Variants in MMP7 observed in about 807,000 individuals in gnomAD.
MMP7 encodes the protein matrix metallopeptidase 7.
Under a neutral mutation model 31.5 loss-of-function variants are expected in MMP7, and 26 were observed. The observed-to-expected ratio is 0.83, with a 90% CI of 0.61 to 1.15. The LOEUF is 1.15. MMP7 is among the 50% of genes most tolerant of loss of function. MMP7 has a pLI of 0.00. For missense variants in MMP7, 367 were observed against 326.5 expected, an observed-to-expected ratio of 1.12 and a Z score of -0.96; for synonymous variants, 142 against 124.2, an observed-to-expected ratio of 1.14 and a Z score of -0.95.
rs778834543 is a variant in MMP7 at position 102,524,980 on chromosome 11, G to C, written c.569C>G (p.Ala190Gly). The change falls in exon 4 of 6, where the codon GCT (alanine) becomes GGT (glycine). Residue 190 changes from alanine (A) to glycine (G), a missense_variant. Ala to Gly is a moderately conservative substitution (Grantham distance 60). Coordinates refer to ENST00000260227, the MANE Select transcript of MMP7 (RefSeq NM_002423.5). ...FAPGTGLGGDAHFDEDERWTD... is the reference protein window; with the variant it reads ...FAPGTGLGGDGHFDEDERWTD... Reference sequence around the variant, plus strand: ...CCAGCGTTCATCCTCATCGAAGTGAGCATCTCCTCCGAGACCTGTCCCAGG... The same window carrying C: ...CCAGCGTTCATCCTCATCGAAGTGACCATCTCCTCCGAGACCTGTCCCAGG... 3.1e-6 allele frequency: 5 copies of C among 1,614,056 alleles called. No homozygotes were observed. Among genetic ancestry groups the C allele is most frequent in the Non-Finnish European group, 4.2e-6 (5 of 1,180,002 alleles).
intron 1 of MMP7, among the ~76,000 whole-genome samples, chr11:102,528,304 AC>A (rs1460383021): frequency 6.6e-6 from 1 of 152,198 alleles, no homozygotes; most frequent in African/African-American, 2.4e-5. Flanking sequence ...GGAAGCATGT[AC>A]CAGTCTGTCC....
chr11:102,526,428 G>T (rs1052065672), intron 3 of MMP7, among the ~76,000 whole-genome samples: 1 of 151,816 alleles, frequency 6.6e-6, no homozygotes, highest in Admixed American at 6.6e-5. Flanking sequence ...GTAGAGATGG[G>T]GTTTCACCCT....
intron 4 of MMP7, 55 bp downstream of exon 4, chr11:102,524,881 G>T (rs1191208186): frequency 6.4e-7 from 1 of 1,565,784 alleles, no homozygotes. Flanking sequence ...TTAACTTAGT[G>T]TAAGTCCAGG....
intron 5 of MMP7, among the ~76,000 whole-genome samples, chr11:102,521,254 G>A (rs1371414259): frequency 1.3e-5 from 2 of 152,166 alleles, no homozygotes; most frequent in Non-Finnish European, 2.9e-5. Context: ...CTGGATTGCA[G>A]CGGTGTGATC....
intron 4 of MMP7, 115 bp downstream of exon 4, chr11:102,524,821 G>A: frequency 8.4e-7 from 1 of 1,192,978 alleles, no homozygotes; most frequent in South Asian, 1.9e-5. Flanking sequence ...ATAGTACAGT[G>A]TTTGGCACTT....
chr11:102,520,747 T>G lies in MMP7; in HGVS notation c.*29A>C. 2.0e-6 allele frequency: 3 copies of G among 1,533,640 alleles called. No individual in the cohort carries two copies. Among genetic ancestry groups the G allele is most frequent in the African/African-American group, 2.7e-5 (2 of 73,450 alleles). On this transcript the variant is annotated 3_prime_UTR_variant, in exon 6 of 6. Coordinates refer to ENST00000260227, the MANE Select transcript of MMP7 (RefSeq NM_002423.5). ...CAACAATGATATACAATCCAATGAATGAATGAATGGATGTTCTGCCTGAAG... is the reference window on the plus strand; with the variant it reads ...CAACAATGATATACAATCCAATGAAGGAATGAATGGATGTTCTGCCTGAAG...
intron 1 of MMP7, among the ~76,000 whole-genome samples, chr11:102,528,714 T>C (rs370133088): frequency 8.5e-5 from 13 of 152,190 alleles, no homozygotes; most frequent in Non-Finnish European, 1.9e-4. Flanking sequence ...GTTTATTCCA[T>C]GCAAGGTTGG....
At chr11:102,529,293 G>A (rs796914898) in intron 1 of MMP7, among the ~76,000 whole-genome samples, 1 of 152,206 alleles carries the variant, frequency 6.6e-6, no homozygotes, top group East Asian at 1.9e-4. Flanking sequence ...ATTGATAACT[G>A]ATCCTTTATT....
At position 102,520,632 on chromosome 11, in the gene MMP7, T is replaced by A; in HGVS notation, c.*144A>T. The A allele has an allele frequency of 1.7e-6, 1 of 604,962 alleles. No individual in the cohort carries two copies. The highest frequency in any genetic ancestry group is 2.6e-4 in the Middle Eastern group (1 of 3,808). The allele number at this position is 604,962 out of a possible 1,614,324, so 37.5% of individuals were successfully genotyped here. ...TAAAGGAGTTTATCCTTAAAAGGAG[T>A]GAAAGACATTCAAAAACCAACTGCA... On this transcript the variant is annotated 3_prime_UTR_variant, in exon 6 of 6. Transcript: ENST00000260227.
chr11:102,528,045 C>A, intron 1 of MMP7, 62 bp from the exon 2 acceptor site: 1 of 1,191,428 alleles, frequency 8.4e-7, no homozygotes, highest in Non-Finnish European at 1.2e-6. Flanking sequence ...ATCTTAGAAG[C>A]CTATATATCT....
chr11:102,521,846 G>T (rs1446111825), intron 5 of MMP7, among the ~76,000 whole-genome samples: 1 of 152,188 alleles, frequency 6.6e-6, no homozygotes, highest in African/African-American at 2.4e-5. Context: ...TATGTAAGGG[G>T]AGGATAGTAT....
chr11:102,529,168 A>G (rs1411002930), intron 1 of MMP7, among the ~76,000 whole-genome samples: 1 of 152,174 alleles, frequency 6.6e-6, no homozygotes, highest in African/African-American at 2.4e-5. Context: ...CTGTCTTAGG[A>G]CCGCCCAGGA....
In MMP7 at chr11:102,523,421, A is replaced by T. The variant is rs370150517; in HGVS notation, c.614-20T>A. On this transcript the variant is annotated intron_variant, in intron 4 of 5. Transcript: ENST00000260227. ...TAATCCCTACAACCGAAGAAGTGAC[A>T]AACAGTAATGATAAAAATAGCTACA... is the stretch of plus-strand genomic sequence containing the variant. 27 of 1,555,894 alleles carry T rather than the reference A, an allele frequency of 1.7e-5. No individual in the cohort carries two copies. The highest frequency in any genetic ancestry group is 2.3e-5 in the Non-Finnish European group (26 of 1,150,636).
At chr11:102,525,213 G>C (rs556001396) in intron 3 of MMP7, 149 bp from the exon 4 acceptor site, 1 of 887,412 alleles carries the variant, frequency 1.1e-6, no homozygotes, top group African/African-American at 1.7e-5. Flanking sequence ...CGAGGTGGGC[G>C]GATCACCTGA....
At position 102,521,456 on chromosome 11, in the gene MMP7, G is replaced by A. The variant is rs141465949; in HGVS notation, c.776-652C>T. On this transcript the variant is annotated intron_variant, in intron 5 of 5. Transcript: ENST00000260227. ...CGATCCCCAACCACCTTGGCCTCCC[G>A]AAGTGCTGGGTAAAGGCGTGAGCCA... Among the ~76,000 whole-genome samples, 672 of 152,210 alleles carry A rather than the reference G, an allele frequency of 4.4e-3. 4 individuals carry two copies. The highest frequency in any genetic ancestry group is 6.7e-3 in the Non-Finnish European group (457 of 67,992).
intron 1 of MMP7, 143 bp from the exon 2 acceptor site, chr11:102,528,126 T>C (rs1272585026): frequency 1.5e-6 from 1 of 675,790 alleles, no homozygotes; most frequent in Non-Finnish European, 2.4e-6. Flanking sequence ...CAGAGAAAAA[T>C]AAGTGTGCAT....
chr11:102,527,635 C>T lies in MMP7; in HGVS notation c.373G>A (p.Val125Met). The change falls in exon 3 of 6, where the codon GTG becomes ATG. Residue 125 changes from valine to methionine, a missense_variant. Val to Met is a conservative substitution (Grantham distance 21). Coordinates refer to ENST00000260227, the MANE Select transcript of MMP7 (RefSeq NM_002423.5). The stretch of plus-strand genomic sequence containing the variant: ...AAAGCCTTTGACACTAATCGATCCA[C>T]TGTAATATGCGGTAAGTCTCGAGTA... ...SYTRDLPHIT[V>M]DRLVSKALNM... The T allele has an allele frequency of 2.5e-6, 4 of 1,614,150 alleles. No homozygotes were observed. The highest frequency in any genetic ancestry group is 3.4e-6 in the Non-Finnish European group (4 of 1,180,018).
chr11:102,526,246 T>A (rs994042963), intron 3 of MMP7, among the ~76,000 whole-genome samples: 22 of 147,616 alleles, frequency 1.5e-4, no homozygotes, highest in South Asian at 4.3e-4. Flanking sequence ...ATATATTTTT[T>A]TTTTTTCTTT....
In MMP7 at chr11:102,520,596, C is replaced by T. The variant is rs1858601583; in HGVS notation, c.*180G>A. 1 of 525,348 alleles carries T rather than the reference C, an allele frequency of 1.9e-6. No homozygotes were observed. The highest frequency in any genetic ancestry group is 2.8e-5 in the South Asian group (1 of 35,970). 32.5% of individuals were successfully genotyped at this position (525,348 alleles called of 1,614,324 possible). ...ACTGCAAGTATAGATGAATAAGACA[C>T]AGTCACACCATAAAGGAGTTTATCC... On this transcript the variant is annotated 3_prime_UTR_variant, in exon 6 of 6. Transcript: ENST00000260227.
Sources: gnomAD v4.1 joint callset for allele counts (sites outside exome capture counted in the v4.1 genomes callset) on GRCh38, gnomAD v4.1.1 for gene constraint, MANE v1.5 for transcripts, NCBI Gene and HGNC (gene_info 2026-07-23, HGNC 2026-07-21) for gene names.